The following USP37 variants were observed in gnomAD, a reference collection of about 807,000 sequenced individuals.
USP37 encodes ubiquitin specific peptidase 37.
Under a neutral mutation model 124.0 loss-of-function variants are expected in USP37, and 27 were observed. The observed-to-expected ratio is 0.22, with a 90% confidence interval of 0.16 to 0.30. The LOEUF is 0.30. Ranked by LOEUF, USP37 falls within the 10% of genes least tolerant of loss-of-function variation. The pLI is 1.00. For synonymous variants in USP37, 365 were observed against 388.0 expected, an observed-to-expected ratio of 0.94 and a Z score of 0.70; for missense variants, 889 against 1,140.4, an observed-to-expected ratio of 0.78 and a Z score of 3.17.
chr2:218,492,182 C>A lies in USP37; in HGVS notation c.1472+3578G>T, dbSNP rs564170894. The stretch of plus-strand genomic sequence containing the variant: ...AGCCACTGCACTCTAGCCTGGGTGA[C>A]AAAGCAACACCCTGTCTCAGAAACA... On this transcript the variant is annotated intron_variant, in intron 14 of 25. Transcript: ENST00000258399. Among the ~76,000 whole-genome samples the A allele has an allele frequency of 3.9e-5, 6 of 151,950 alleles. No individual in the cohort carries two copies. In the East Asian group the frequency reaches 1.2e-3, roughly 29 times the overall value.
chr2:218,485,635 C>A (rs1471903136), intron 16 of USP37, 29 bp downstream of exon 16: 56 of 1,298,504 alleles, frequency 4.3e-5, no homozygotes, highest in African/African-American at 1.5e-4. Context: ...TAGTCCATAG[C>A]AAAAAAAAAA....
intron 4 of USP37, among the ~76,000 whole-genome samples, chr2:218,554,366 C>T (rs1470026451): frequency 1.3e-5 from 2 of 152,150 alleles, no homozygotes; most frequent in East Asian, 3.8e-4. Context: ...CCCTTATTTT[C>T]AGATATAGTT....
At chr2:218,526,313 C>T (rs1153108) in intron 10 of USP37, among the ~76,000 whole-genome samples, 3 of 151,932 alleles carry the variant, frequency 2.0e-5, no homozygotes, top group Non-Finnish European at 2.9e-5. Context: ...CTCACTGCAA[C>T]CTCTGCCTCC....
chr2:218,495,975 T>C (rs1170039329), intron 13 of USP37, 25 bp from the exon 14 acceptor site: 1 of 1,589,614 alleles, frequency 6.3e-7, no homozygotes. Flanking sequence ...ATATCCTTAA[T>C]CAGATAAAAA....
intron 2 of USP37, among the ~76,000 whole-genome samples, chr2:218,561,491 C>T (rs1328647292): frequency 6.6e-6 from 1 of 152,020 alleles, no homozygotes; most frequent in African/African-American, 2.4e-5. Context: ...AACCCCATCT[C>T]TACCAAAAAT....
intron 10 of USP37, among the ~76,000 whole-genome samples, chr2:218,512,447 G>C (rs965934076): frequency 2.0e-5 from 3 of 152,142 alleles, no homozygotes; most frequent in African/African-American, 7.2e-5. Flanking sequence ...GACAGAGGTT[G>C]CAGTGAGCTG....
At chr2:218,470,540 A>C (rs1690622993) in intron 20 of USP37, among the ~76,000 whole-genome samples, 1 of 152,240 alleles carries the variant, frequency 6.6e-6, no homozygotes, top group Non-Finnish European at 1.5e-5. Flanking sequence ...CCTTTGAAAC[A>C]AAAGTCCAAA....
intron 10 of USP37, 49 bp from the exon 11 acceptor site, chr2:218,510,189 T>C (rs1174599834): frequency 1.0e-5 from 16 of 1,570,072 alleles, no homozygotes; most frequent in Non-Finnish European, 1.4e-5. Flanking sequence ...TTTTGAATAC[T>C]ACTATTTTCC....
intron 14 of USP37, among the ~76,000 whole-genome samples, 166 bp from the exon 15 acceptor site, chr2:218,488,587 T>C (rs1040265253): frequency 1.3e-5 from 2 of 152,226 alleles, no homozygotes; most frequent in African/African-American, 4.8e-5. Flanking sequence ...TTAACCCTTA[T>C]TAAATTAATA....
chr2:218,521,440 T>C (rs1690614022), intron 10 of USP37, among the ~76,000 whole-genome samples: 1 of 152,134 alleles, frequency 6.6e-6, no homozygotes, highest in Non-Finnish European at 1.5e-5. Flanking sequence ...CCATCTAGGT[T>C]TTAAGCCCCG....
At chr2:218,472,990 T>C (rs1400925574) in intron 20 of USP37, among the ~76,000 whole-genome samples, 1 of 152,180 alleles carries the variant, frequency 6.6e-6, no homozygotes, top group Non-Finnish European at 1.5e-5. Context: ...GGCCAGTTTT[T>C]CTTCTAAAGC....
chr2:218,494,633 A>G (rs1458403792), intron 14 of USP37, among the ~76,000 whole-genome samples: 1 of 152,226 alleles, frequency 6.6e-6, no homozygotes, highest in Non-Finnish European at 1.5e-5. Flanking sequence ...ATAATTCTGC[A>G]TTAAGTCATG....
At chr2:218,509,592 A>T (rs77619499) in intron 11 of USP37, among the ~76,000 whole-genome samples, 7,883 of 152,034 alleles carry the variant, frequency 0.052, 516 homozygotes, top group African/African-American at 0.16. Context: ...TAAAAAAAAA[A>T]TTTAAAAGAT....
At chr2:218,456,064 G>A (rs1041431040) in intron 24 of USP37, among the ~76,000 whole-genome samples, 6 of 151,100 alleles carry the variant, frequency 4.0e-5, no homozygotes, top group African/African-American at 4.9e-5. Context: ...AAACAAAAAC[G>A]CATTAATTTT....
intron 10 of USP37, among the ~76,000 whole-genome samples, chr2:218,513,316 C>T (rs1690102552): frequency 6.6e-6 from 1 of 152,082 alleles, no homozygotes; most frequent in African/African-American, 2.4e-5. Flanking sequence ...CAGGCGTGAG[C>T]CAACCATGCC....
At chr2:218,550,832 T>C (rs867433822) in intron 5 of USP37, among the ~76,000 whole-genome samples, 40 of 152,088 alleles carry the variant, frequency 2.6e-4, no homozygotes, top group African/African-American at 9.2e-4. Context: ...TTTTTTTTAA[T>C]TGATTTGCAA....
chr2:218,540,016 A>G (rs536527264), intron 8 of USP37, among the ~76,000 whole-genome samples: 1 of 152,192 alleles, frequency 6.6e-6, no homozygotes, highest in East Asian at 1.9e-4. Context: ...TCTCAAAAAA[A>G]AATCTTTTTT....
chr2:218,472,305 G>C (rs1171686316), intron 20 of USP37, among the ~76,000 whole-genome samples: 1 of 152,116 alleles, frequency 6.6e-6, no homozygotes, highest in African/African-American at 2.4e-5. Flanking sequence ...CTACACAAGA[G>C]TATGCATACT....
intron 11 of USP37, chr2:218,501,060 AGAG>A (rs1689354650): frequency 1.5e-5 from 2 of 131,040 alleles, no homozygotes; most frequent in African/African-American, 6.5e-5. Flanking sequence ...TTTTTTTTTG[AGAG>A]GGTCTCATTC....
Sources: gnomAD v4.1 joint callset for allele counts (sites outside exome capture counted in the v4.1 genomes callset) on GRCh38, gnomAD v4.1.1 for gene constraint, MANE v1.5 for transcripts, NCBI Gene and HGNC (gene_info 2026-07-23, HGNC 2026-07-21) for gene names.